The following FRMD4B variants were observed in gnomAD, a reference collection of about 807,000 sequenced individuals.
FRMD4B encodes the protein FERM domain-containing protein 4B.
Under a neutral mutation model 141.5 loss-of-function variants are expected in FRMD4B, and 74 were observed. That is an observed-to-expected ratio of 0.52 (90% CI 0.43 to 0.63). The LOEUF (loss-of-function observed/expected upper bound fraction) is 0.63. Ranked by LOEUF, FRMD4B falls within the 30% of genes least tolerant of loss-of-function variation. FRMD4B has a pLI of 0.00. For synonymous variants in FRMD4B, 506 were observed against 467.9 expected (o/e 1.08, Z -1.05); for missense variants, 1,366 against 1,253.4 (o/e 1.09, Z -1.36).
intron 4 of FRMD4B, among the ~76,000 whole-genome samples, chr3:69,291,821 G>A (rs77056916): frequency 0.016 from 2,429 of 151,964 alleles, 64 homozygotes; most frequent in African/African-American, 0.055. Flanking sequence ...GTTAGCCACA[G>A]GTAGTTCTGT....
chr3:69,379,770 A>G (rs1356826544), intron 1 of FRMD4B, among the ~76,000 whole-genome samples: 1 of 152,184 alleles, frequency 6.6e-6, no homozygotes. Flanking sequence ...TGCATCAGCT[A>G]CTGAACTTTA....
chr3:69,404,820 A>G (rs1704623338), intron 2 of FRMD4B, among the ~76,000 whole-genome samples: 1 of 152,194 alleles, frequency 6.6e-6, no homozygotes, highest in Non-Finnish European at 1.5e-5. Context: ...AGGAATGGAA[A>G]GAGGATGCAA....
rs972273456 is a variant in FRMD4B at position 69,382,168 on chromosome 3, T to C, written c.162+3660A>G. On this transcript the variant is annotated intron_variant, in intron 1 of 22. Transcript: ENST00000398540. ...GATTCTCATGCCTCAGCCTCCCGAG[T>C]AGCTAGGATTACAGGCATGTGCCAC... 3.1e-4 allele frequency among the ~76,000 whole-genome samples: 47 copies of C among 152,060 alleles called. 1 individual carries two copies. The highest frequency in any genetic ancestry group is 4.4e-5 in the Non-Finnish European group (3 of 68,002).
At chr3:69,322,440 T>A (rs1307795997) in intron 1 of FRMD4B, among the ~76,000 whole-genome samples, 5 of 152,188 alleles carry the variant, frequency 3.3e-5, no homozygotes, top group Admixed American at 3.3e-4. Flanking sequence ...CACTGGAGAC[T>A]TCTTTTTTAA....
intron 5 of FRMD4B, among the ~76,000 whole-genome samples, chr3:69,251,358 T>C (rs901866104): frequency 1.3e-5 from 2 of 152,158 alleles, no homozygotes; most frequent in East Asian, 1.9e-4. Flanking sequence ...AAATATACAA[T>C]AGACAGGTTC....
chr3:69,238,736 G>A (rs778637149), intron 7 of FRMD4B, among the ~76,000 whole-genome samples: 53 of 152,178 alleles, frequency 3.5e-4, no homozygotes, highest in Non-Finnish European at 5.3e-4. Flanking sequence ...AGTGATCCAT[G>A]ATCATGCCAC....
intron 1 of FRMD4B, among the ~76,000 whole-genome samples, chr3:69,508,421 C>A (rs191415115): frequency 2.8e-4 from 43 of 152,196 alleles, no homozygotes; most frequent in African/African-American, 9.6e-4. Context: ...TCCTTGAGGA[C>A]AAATTACTGT....
At chr3:69,505,747 T>C (rs1445826866) in intron 1 of FRMD4B, among the ~76,000 whole-genome samples, 1 of 152,232 alleles carries the variant, frequency 6.6e-6, no homozygotes, top group East Asian at 1.9e-4. Context: ...GAAGTGAAAA[T>C]TTGTTTTCTA....
At chr3:69,501,332 A>T (rs1706493678) in intron 1 of FRMD4B, among the ~76,000 whole-genome samples, 1 of 150,304 alleles carries the variant, frequency 6.7e-6, no homozygotes, top group Non-Finnish European at 1.5e-5. Context: ...GAAGTCAAAG[A>T]TTAGACATCC....
intron 1 of FRMD4B, among the ~76,000 whole-genome samples, chr3:69,346,307 G>T (rs1480261516): frequency 6.6e-6 from 1 of 152,146 alleles, no homozygotes; most frequent in African/African-American, 2.4e-5. Context: ...AATGAACAAA[G>T]CCTCCAAGAA....
At chr3:69,499,653 G>A (rs902989346) in intron 1 of FRMD4B, among the ~76,000 whole-genome samples, 1 of 152,178 alleles carries the variant, frequency 6.6e-6, no homozygotes, top group African/African-American at 2.4e-5. Context: ...CTCTACTGAA[G>A]TGCTATCTTA....
chr3:69,404,671 AC>A (rs1230004570), intron 2 of FRMD4B, among the ~76,000 whole-genome samples: 2 of 152,154 alleles, frequency 1.3e-5, no homozygotes, highest in Non-Finnish European at 2.9e-5. Context: ...CGTGCTTGGT[AC>A]TGGGTGGAGT....
upstream of FRMD4B, among the ~76,000 whole-genome samples, chr3:69,390,860 T>TCCAG (rs61305907): frequency 0.022 from 3,290 of 152,044 alleles, 118 homozygotes; most frequent in African/African-American, 0.074. Context: ...ATCACTGCAC[T>TCCAG]CCAGCCTGGG....
intron 1 of FRMD4B, among the ~76,000 whole-genome samples, chr3:69,447,633 T>C (rs1705429139): frequency 6.6e-6 from 1 of 152,228 alleles, no homozygotes; most frequent in Admixed American, 6.5e-5. Context: ...TCAGGGTATT[T>C]AGAAGATAAC....
intron 1 of FRMD4B, 28 bp from the exon 2 acceptor site, chr3:69,313,545 G>A (rs1200341454): frequency 6.9e-7 from 1 of 1,457,202 alleles, no homozygotes; most frequent in Non-Finnish European, 9.5e-7. Context: ...CAAGAGTGGT[G>A]TCAGGGCCAC....
intron 11 of FRMD4B, among the ~76,000 whole-genome samples, chr3:69,204,126 C>T (rs1446899244): frequency 6.6e-6 from 1 of 152,034 alleles, no homozygotes; most frequent in African/African-American, 2.4e-5. Context: ...CACAGGTAGA[C>T]AAAGCAAACT....
At chr3:69,393,069 C>T (rs534195450) in intron 2 of FRMD4B, among the ~76,000 whole-genome samples, 10 of 152,240 alleles carry the variant, frequency 6.6e-5, no homozygotes, top group African/African-American at 2.4e-4. Flanking sequence ...TAACTCTCTG[C>T]AGCTGCCTTC....
At chr3:69,501,037 TTA>T (rs1290710268) in intron 1 of FRMD4B, among the ~76,000 whole-genome samples, 1 of 152,136 alleles carries the variant, frequency 6.6e-6, no homozygotes, top group Admixed American at 6.5e-5. Flanking sequence ...TAAGACACAA[TTA>T]TATGTTTGGT....
intron 1 of FRMD4B, 67 bp downstream of exon 1, chr3:69,385,761 G>A (rs1704235691): frequency 7.4e-7 from 1 of 1,343,872 alleles, no homozygotes; most frequent in East Asian, 2.8e-5. Flanking sequence ...TCATACAGGT[G>A]GAGCCTGCTT....
Sources: gnomAD v4.1 joint callset for allele counts (sites outside exome capture counted in the v4.1 genomes callset) on GRCh38, gnomAD v4.1.1 for gene constraint, MANE v1.5 for transcripts, NCBI Gene and HGNC (gene_info 2026-07-23, HGNC 2026-07-21) for gene names.